AGMO: variants seen among roughly 807,000 people sequenced by gnomAD.
AGMO encodes alkylglycerol monooxygenase, also known as glyceryl-ether monooxygenase.
AGMO carries 75 observed loss-of-function variants against 60.2 expected under a neutral mutation model. The ratio of observed to expected loss-of-function variants is 1.25; its 90% CI spans 1.03 to 1.51. The LOEUF (loss-of-function observed/expected upper bound fraction) is 1.51. Among genes scored for constraint, AGMO ranks in the 40% most tolerant of loss-of-function variants. The pLI, the probability that AGMO is intolerant of heterozygous loss-of-function variation, is 0.00. For synonymous variants in AGMO, 261 were observed against 177.1 expected (o/e 1.47, Z -3.76); for missense variants, 763 against 525.5 (o/e 1.45, Z -4.42).
At chr7:15,505,539 C>T (rs1033290638) in intron 3 of AGMO, among the ~76,000 whole-genome samples, 1 of 151,934 alleles carries the variant, frequency 6.6e-6, no homozygotes, top group Non-Finnish European at 1.5e-5. Context: ...ACTCTCCCTT[C>T]GATTCGTTTC....
At chr7:15,472,313 A>G (rs1447461519) in intron 3 of AGMO, among the ~76,000 whole-genome samples, 1 of 151,962 alleles carries the variant, frequency 6.6e-6, no homozygotes, top group Admixed American at 6.6e-5. Context: ...TGACAAAAAT[A>G]TGTTCAAAAA....
rs778682811 is a variant in AGMO at position 15,342,801 on chromosome 7, A to AAAAAAAAAAAAC, written c.1263+22712_1263+22713insGTTTTTTTTTTT. On this transcript the variant is annotated intron_variant, in intron 12 of 12. Transcript: ENST00000342526. ...CTGCAAAAAAAAAAAAAAAAAAAAA[A>AAAAAAAAAAAAC]AAAATTGATCTGAATTCTACCTCTA... 7.4e-5 allele frequency among the ~76,000 whole-genome samples: 8 copies of AAAAAAAAAAAAC among 107,892 alleles called. 1 individual carries two copies. The highest frequency in any genetic ancestry group is 2.5e-4 in the African/African-American group (6 of 23,802). The allele number at this position is 107,892 out of a possible 152,430, so 70.8% of individuals were successfully genotyped here.
intron 12 of AGMO, among the ~76,000 whole-genome samples, chr7:15,257,264 G>A (rs903976631): frequency 2.0e-5 from 3 of 151,982 alleles, no homozygotes; most frequent in African/African-American, 7.3e-5. Context: ...TACAACATAG[G>A]AAGACTATCT....
At chr7:15,156,663 G>C in the AGMO span, among the ~76,000 whole-genome samples, 5 of 152,190 alleles carry the variant, frequency 3.3e-5, no homozygotes, top group Non-Finnish European at 7.3e-5. Context: ...CTCAGGGCCA[G>C]GAACAAGTCT....
Position 15,417,659 on chromosome 7 carries a change from A to G in AGMO, c.609+899T>C, listed in dbSNP as rs139066686. ...TCATGATAGATCTTCAAATAATGCT[A>G]CATATGTCCAAAGTCACGGTAACAG... On this transcript the variant is annotated intron_variant, in intron 5 of 12. Transcript: ENST00000342526. Among the ~76,000 whole-genome samples the G allele has an allele frequency of 1.6e-4, 25 of 152,350 alleles. No individual in the cohort carries two copies. The East Asian group carries it at 4.2e-3, about 26-fold the overall frequency.
At chr7:15,527,383 T>A (rs1373700838) in intron 3 of AGMO, among the ~76,000 whole-genome samples, 3 of 152,202 alleles carry the variant, frequency 2.0e-5, no homozygotes, top group African/African-American at 4.8e-5. Context: ...AGCCACAATT[T>A]CCTTTGGGCC....
At chr7:15,326,744 A>G (rs1025082394) in intron 12 of AGMO, among the ~76,000 whole-genome samples, 11 of 152,228 alleles carry the variant, frequency 7.2e-5, no homozygotes, top group African/African-American at 2.4e-4. Flanking sequence ...CTAACTTGGT[A>G]CAAACAGATA....
intron 10 of AGMO, among the ~76,000 whole-genome samples, chr7:15,366,554 G>A (rs1428621819): frequency 6.6e-6 from 1 of 151,986 alleles, no homozygotes; most frequent in Non-Finnish European, 1.5e-5. Context: ...ACATTTTAAT[G>A]TATAAATACT....
chr7:15,440,492 G>GGGCAACTCTGTGTGTATTT (rs1481367057), intron 3 of AGMO, among the ~76,000 whole-genome samples: 33 of 151,954 alleles, frequency 2.2e-4, no homozygotes, highest in African/African-American at 7.7e-4. Context: ...TGTGTGTATT[G>GGGCAACTCTGTGTGTATTT]GGCAACTCTG....
the AGMO span, among the ~76,000 whole-genome samples, chr7:15,156,933 AG>A: frequency 6.6e-6 from 1 of 152,040 alleles, no homozygotes; most frequent in Non-Finnish European, 1.5e-5. Flanking sequence ...TGGCTTTCAA[AG>A]TTTCTACTAC....
At chr7:15,202,814 G>C (rs1781334181) in intron 12 of AGMO, among the ~76,000 whole-genome samples, 1 of 152,092 alleles carries the variant, frequency 6.6e-6, no homozygotes, top group South Asian at 2.1e-4. Flanking sequence ...CACTTCTTCT[G>C]ATGGTGCCAG....
At chr7:15,556,219 GTT>G (rs71004394) in intron 2 of AGMO, among the ~76,000 whole-genome samples, 2,224 of 91,550 alleles carry the variant, frequency 0.024, 44 homozygotes, top group Admixed American at 0.11. Flanking sequence ...CTCCTTTTTA[GTT>G]TTTTTTTTTT....
intron 3 of AGMO, among the ~76,000 whole-genome samples, chr7:15,531,130 GTATATATTCTA>G (rs1386103885): frequency 4.5e-4 from 13 of 28,652 alleles, no homozygotes; most frequent in South Asian, 4.0e-3. Context: ...TATATATTCT[GTATATATTCTA>G]TATATATTCT....
At chr7:15,254,567 T>C (rs1783042787) in intron 12 of AGMO, among the ~76,000 whole-genome samples, 1 of 152,146 alleles carries the variant, frequency 6.6e-6, no homozygotes, top group Non-Finnish European at 1.5e-5. Flanking sequence ...CCATTTAAAA[T>C]CAGATTAATT....
intron 3 of AGMO, among the ~76,000 whole-genome samples, chr7:15,480,191 G>A (rs1427663874): frequency 6.6e-6 from 1 of 152,122 alleles, no homozygotes; most frequent in Non-Finnish European, 1.5e-5. Flanking sequence ...AAAAATCACT[G>A]TAAATTGCTA....
chr7:15,505,117 C>G (rs543133849), intron 3 of AGMO, among the ~76,000 whole-genome samples: 1 of 149,438 alleles, frequency 6.7e-6, no homozygotes, highest in South Asian at 2.1e-4. Flanking sequence ...ATTTTATCCA[C>G]GTTTCAAGTC....
At chr7:15,367,168 A>G (rs1783020109) in intron 10 of AGMO, among the ~76,000 whole-genome samples, 1 of 151,942 alleles carries the variant, frequency 6.6e-6, no homozygotes, top group African/African-American at 2.4e-5. Context: ...GGTCTTTTGT[A>G]CTTTTCTTTA....
At chr7:15,391,108 G>C (rs969493789) in intron 6 of AGMO, among the ~76,000 whole-genome samples, 1 of 151,894 alleles carries the variant, frequency 6.6e-6, no homozygotes, top group Admixed American at 6.6e-5. Flanking sequence ...TACTAAAAAG[G>C]GGAAGTGTTT....
At chr7:15,474,427 C>G (rs980213000) in intron 3 of AGMO, among the ~76,000 whole-genome samples, 2 of 151,918 alleles carry the variant, frequency 1.3e-5, no homozygotes, top group Non-Finnish European at 2.9e-5. Context: ...CTTTGACAAA[C>G]CTGACAAAAG....
Sources: allele counts gnomAD v4.1 joint callset (sites outside exome capture counted in the v4.1 genomes callset), GRCh38; gene constraint gnomAD v4.1.1; transcripts MANE v1.5; gene names NCBI Gene and HGNC (gene_info 2026-07-23, HGNC 2026-07-21).